The following TNFSF4 variants were observed in gnomAD, a reference collection of about 807,000 sequenced individuals.
TNFSF4 encodes tumor necrosis factor ligand superfamily member 4.
TNFSF4 carries 4 observed loss-of-function variants against 7.3 expected under a neutral mutation model. The ratio of observed to expected loss-of-function variants is 0.55; its 90% CI spans 0.27 to 1.25. The LOEUF is 1.25. Ranked by LOEUF, TNFSF4 falls within the 50% of genes most tolerant of loss-of-function variation. The probability of loss-of-function intolerance (pLI) is 0.12; values close to 1 mark genes in which losing one functional copy is unlikely to be tolerated. For missense variants in TNFSF4, 181 were observed against 208.8 expected, an observed-to-expected ratio of 0.87 and a Z score of 0.82; for synonymous variants, 76 against 83.7, an observed-to-expected ratio of 0.91 and a Z score of 0.50.
the TNFSF4 span, among the ~76,000 whole-genome samples, chr1:173,416,389 C>G: frequency 6.6e-6 from 1 of 152,022 alleles, no homozygotes; most frequent in African/African-American, 2.4e-5. Flanking sequence ...TCTTCCTGAA[C>G]AAAGACAAGC....
chr1:173,175,894 AAACT>A, the TNFSF4 span, among the ~76,000 whole-genome samples: 15 of 152,194 alleles, frequency 9.9e-5, no homozygotes, highest in Non-Finnish European at 1.5e-5. Flanking sequence ...AATTGACACT[AAACT>A]AACAGAGCAG....
At chr1:173,233,765 T>C in the TNFSF4 span, among the ~76,000 whole-genome samples, 4 of 152,230 alleles carry the variant, frequency 2.6e-5, no homozygotes, top group African/African-American at 9.6e-5. Context: ...TGAAACTAGA[T>C]CCCTTCCTTA....
the TNFSF4 span, among the ~76,000 whole-genome samples, chr1:173,294,298 T>C: frequency 1.3e-5 from 2 of 152,128 alleles, no homozygotes; most frequent in Non-Finnish European, 1.5e-5. Context: ...TCATGTTCTT[T>C]GCAGCAACAT....
the TNFSF4 span, among the ~76,000 whole-genome samples, chr1:173,417,460 G>C: frequency 6.6e-6 from 1 of 152,124 alleles, no homozygotes; most frequent in African/African-American, 2.4e-5. Context: ...ATTTTTTTAG[G>C]GAGAGATCAA....
chr1:173,259,201 G>T, the TNFSF4 span, among the ~76,000 whole-genome samples: 1 of 152,110 alleles, frequency 6.6e-6, no homozygotes, highest in East Asian at 1.9e-4. Flanking sequence ...AGGTGCAGGA[G>T]GGACCCAGGT....
At chr1:173,223,874 G>A in the TNFSF4 span, among the ~76,000 whole-genome samples, 3 of 152,194 alleles carry the variant, frequency 2.0e-5, no homozygotes, top group Non-Finnish European at 4.4e-5. Flanking sequence ...AATGGGTGGT[G>A]GCCGAAAGCA....
At chr1:173,220,048 T>TA in the TNFSF4 span, among the ~76,000 whole-genome samples, 93 of 150,274 alleles carry the variant, frequency 6.2e-4, no homozygotes, top group Middle Eastern at 3.4e-3. Flanking sequence ...CCTATTAAAA[T>TA]AAAAAAAAAT....
At chr1:173,253,553 C>T in the TNFSF4 span, among the ~76,000 whole-genome samples, 11 of 152,278 alleles carry the variant, frequency 7.2e-5, no homozygotes, top group East Asian at 1.3e-3. Flanking sequence ...GAGGCAAAAA[C>T]ATCAGGACCT....
At chr1:173,435,662 C>A in the TNFSF4 span, among the ~76,000 whole-genome samples, 1 of 152,152 alleles carries the variant, frequency 6.6e-6, no homozygotes, top group African/African-American at 2.4e-5. Context: ...TTATGGCAGC[C>A]CAAGCCAACT....
chr1:173,376,717 G>C, the TNFSF4 span, among the ~76,000 whole-genome samples: 6 of 152,320 alleles, frequency 3.9e-5, no homozygotes, highest in East Asian at 3.9e-4. Context: ...TGAAATAAGG[G>C]AATAAAAGCT....
chr1:173,343,199 GA>G, the TNFSF4 span, among the ~76,000 whole-genome samples: 1 of 152,120 alleles, frequency 6.6e-6, no homozygotes, highest in African/African-American at 2.4e-5. Context: ...GGGAGTAAAT[GA>G]AATAAATAAA....
upstream of TNFSF4, among the ~76,000 whole-genome samples, chr1:173,210,725 T>G: frequency 6.7e-6 from 1 of 149,996 alleles, no homozygotes; most frequent in South Asian, 2.1e-4. Flanking sequence ...GAAATAATTC[T>G]AGGGGGGGGA....
Position 173,189,385 on chromosome 1 carries a change from A to T in TNFSF4, c.154-816T>A, listed in dbSNP as rs547969627. Among the ~76,000 whole-genome samples the T allele has an allele frequency of 2.6e-5, 4 of 152,312 alleles. No homozygotes were observed. The South Asian group carries it at 8.3e-4, about 32-fold the overall frequency. On this transcript the variant is annotated intron_variant, in intron 1 of 2. Transcript: ENST00000281834. ...TTCACTTTAACGCAGGAGTAAAAGC[A>T]TCCTATTTTCAGGGGACAAAGGCAA... is the stretch of plus-strand genomic sequence containing the variant.
chr1:173,336,818 T>C, the TNFSF4 span, among the ~76,000 whole-genome samples: 1 of 152,096 alleles, frequency 6.6e-6, no homozygotes, highest in Admixed American at 6.6e-5. Context: ...TACAGTGGTA[T>C]GAAGCATGTG....
At chr1:173,324,031 G>A in the TNFSF4 span, among the ~76,000 whole-genome samples, 10 of 152,122 alleles carry the variant, frequency 6.6e-5, no homozygotes, top group East Asian at 7.7e-4. Flanking sequence ...GATACTCCTC[G>A]AGAAGAGCAA....
chr1:173,187,061 A>G (rs1557877809), intron 2 of TNFSF4, among the ~76,000 whole-genome samples, 196 bp from the exon 3 acceptor site: 1 of 152,064 alleles, frequency 6.6e-6, no homozygotes, highest in Non-Finnish European at 1.5e-5. Context: ...AAACAAAAAA[A>G]AAAAAGAAAA....
At chr1:173,203,999 A>C (rs1052047177) in intron 1 of TNFSF4, among the ~76,000 whole-genome samples, 1 of 152,212 alleles carries the variant, frequency 6.6e-6, no homozygotes, top group African/African-American at 2.4e-5. Context: ...GAATATTCTT[A>C]CAGGGCATTC....
At chr1:173,188,680 C>T in intron 1 of TNFSF4, 111 bp from the exon 2 acceptor site, 1 of 891,918 alleles carries the variant, frequency 1.1e-6, no homozygotes, top group Admixed American at 2.4e-5. Flanking sequence ...GTAGAGAAAA[C>T]AAAAACAACA....
the TNFSF4 span, among the ~76,000 whole-genome samples, chr1:173,328,070 C>T: frequency 9.9e-5 from 15 of 152,098 alleles, no homozygotes; most frequent in South Asian, 4.1e-4. Flanking sequence ...GTTATTGCGG[C>T]ACTATTCACA....
Sources: gnomAD v4.1 joint callset for allele counts (sites outside exome capture counted in the v4.1 genomes callset) on GRCh38, gnomAD v4.1.1 for gene constraint, MANE v1.5 for transcripts, NCBI Gene and HGNC (gene_info 2026-07-23, HGNC 2026-07-21) for gene names.